MPZL1: variants seen among roughly 807,000 people sequenced by gnomAD.
MPZL1 encodes the protein myelin protein zero-like protein 1.
Under a neutral mutation model 29.3 loss-of-function variants are expected in MPZL1, and 16 were observed. The observed-to-expected ratio is 0.55, with a 90% CI of 0.37 to 0.83. The LOEUF is 0.83. MPZL1 is among the 40% of genes least tolerant of loss of function. The pLI is 0.00. For missense variants in MPZL1, 279 were observed against 332.9 expected (o/e 0.84, Z 1.26); for synonymous variants, 143 against 132.0 (o/e 1.08, Z -0.57).
At chr1:167,742,966 G>A in intron 1 of MPZL1, among the ~76,000 whole-genome samples, 1 of 151,948 alleles carries the variant, frequency 6.6e-6, no homozygotes, top group African/African-American at 2.4e-5. Context: ...TTATTTTTGG[G>A]TTCTCTATTT....
intron 1 of MPZL1, among the ~76,000 whole-genome samples, chr1:167,744,898 C>T (rs530941161): frequency 3.3e-5 from 5 of 152,192 alleles, no homozygotes; most frequent in South Asian, 2.1e-4. Flanking sequence ...GTGCTTACTC[C>T]GCAGAGGCGG....
intron 1 of MPZL1, among the ~76,000 whole-genome samples, chr1:167,735,167 T>G (rs1660351483): frequency 6.6e-6 from 1 of 152,226 alleles, no homozygotes. Flanking sequence ...TCCATTGTCA[T>G]TAGGAGTAAC....
rs531264290 is a variant in MPZL1, at chr1:167,759,123, G to A, written c.92-6460G>A. Among the ~76,000 whole-genome samples the A allele has an allele frequency of 2.0e-5, 3 of 152,216 alleles. No individual in the cohort carries two copies. In the South Asian group the frequency reaches 6.2e-4, roughly 32 times the overall value. On this transcript the variant is annotated intron_variant, in intron 1 of 5. Coordinates refer to ENST00000359523, the MANE Select transcript of MPZL1 (RefSeq NM_003953.6). ...AACCAAAGCTTTACTACATTTCACAGCCATTTTTGCCACTATGCCATAATT... is the reference window on the plus strand; with the variant it reads ...AACCAAAGCTTTACTACATTTCACAACCATTTTTGCCACTATGCCATAATT...
intron 1 of MPZL1, among the ~76,000 whole-genome samples, chr1:167,760,585 A>G (rs1660965292): frequency 6.6e-6 from 1 of 152,106 alleles, no homozygotes; most frequent in Admixed American, 6.6e-5. Context: ...GAGTCACAAA[A>G]CAGTCCAGGG....
intron 1 of MPZL1, among the ~76,000 whole-genome samples, chr1:167,762,002 T>A (rs779067219): frequency 6.6e-6 from 1 of 152,102 alleles, no homozygotes; most frequent in Non-Finnish European, 1.5e-5. Context: ...TTGGAGGATA[T>A]TGGAAAGCTA....
rs542418579 is a variant in MPZL1 at position 167,725,287 on chromosome 1, C to G, written c.91+3045C>G. On this transcript the variant is annotated intron_variant, in intron 1 of 5. Coordinates refer to ENST00000359523, the MANE Select transcript of MPZL1 (RefSeq NM_003953.6). Reference sequence around the variant, plus strand: ...TGTGATAGCCTCCCAGCTGCTCTTCCTCTTTTTCCCCCTCTGGAGTCTTGC... The same window carrying G: ...TGTGATAGCCTCCCAGCTGCTCTTCGTCTTTTTCCCCCTCTGGAGTCTTGC... 3.9e-5 allele frequency among the ~76,000 whole-genome samples: 6 copies of G among 152,156 alleles called. No homozygotes were observed. The South Asian group carries it at 1.2e-3, about 32-fold the overall frequency.
rs1661708744 is a variant in MPZL1, at chr1:167,791,255, C to T, written c.*3334C>T. On this transcript the variant is annotated 3_prime_UTR_variant, in exon 6 of 6. Transcript: ENST00000359523. The stretch of plus-strand genomic sequence containing the variant: ...TCCGTCTGCAGTAAAGGGAACAGCA[C>T]CTGGCACTTAGCTGCTCAATACATG... 6.6e-6 allele frequency: 1 copy of T among 152,232 alleles called. No homozygotes were observed. The highest frequency in any genetic ancestry group is 1.5e-5 in the Non-Finnish European group (1 of 68,062). 9.4% of individuals were successfully genotyped at this position (152,232 alleles called of 1,614,324 possible).
At chr1:167,761,947 G>C (rs1571157360) in intron 1 of MPZL1, among the ~76,000 whole-genome samples, 2 of 152,288 alleles carry the variant, frequency 1.3e-5, no homozygotes, top group South Asian at 4.1e-4. Context: ...GACATGCTGG[G>C]ATTTTAGTTT....
At chr1:167,777,805 G>T (rs541642726) in intron 5 of MPZL1, among the ~76,000 whole-genome samples, 6 of 152,256 alleles carry the variant, frequency 3.9e-5, no homozygotes, top group African/African-American at 1.4e-4. Flanking sequence ...ACAGGGTATT[G>T]GTTGGGGTTC....
At chr1:167,725,378 T>A (rs1017735146) in intron 1 of MPZL1, among the ~76,000 whole-genome samples, 2 of 152,216 alleles carry the variant, frequency 1.3e-5, no homozygotes, top group Admixed American at 1.3e-4. Flanking sequence ...ATCTCCCAGA[T>A]TCAAGTGATT....
chr1:167,751,391 C>T lies in MPZL1; in HGVS notation c.92-14192C>T, dbSNP rs950149953. Among the ~76,000 whole-genome samples the T allele has an allele frequency of 3.3e-5, 5 of 152,094 alleles. No homozygotes were observed. In the South Asian group the frequency reaches 6.2e-4, roughly 19 times the overall value. On this transcript the variant is annotated intron_variant, in intron 1 of 5. Coordinates refer to ENST00000359523, the MANE Select transcript of MPZL1 (RefSeq NM_003953.6). ...ACTATCAGAAATTAAATGTATGCGC[C>T]GGGCGCGGTGGCTCACGTCTGTAAT...
intron 1 of MPZL1, among the ~76,000 whole-genome samples, chr1:167,737,895 A>C (rs1040331458): frequency 2.0e-5 from 3 of 151,810 alleles, no homozygotes; most frequent in Admixed American, 6.6e-5. Flanking sequence ...TCATCCATTG[A>C]GTACTGAGAT....
At chr1:167,784,011 CTG>C (rs1203061597) in intron 5 of MPZL1, among the ~76,000 whole-genome samples, 1 of 152,170 alleles carries the variant, frequency 6.6e-6, no homozygotes, top group Non-Finnish European at 1.5e-5. Context: ...GCTACAGAGA[CTG>C]TGAAAGGTGT....
intron 1 of MPZL1, among the ~76,000 whole-genome samples, chr1:167,756,000 A>T (rs1660861547): frequency 6.6e-6 from 1 of 152,212 alleles, no homozygotes; most frequent in Non-Finnish European, 1.5e-5. Context: ...GGCCTGATTC[A>T]GGACCCTTTG....
chr1:167,749,326 G>A (rs1660710507), intron 1 of MPZL1, among the ~76,000 whole-genome samples: 1 of 152,136 alleles, frequency 6.6e-6, no homozygotes, highest in Non-Finnish European at 1.5e-5. Context: ...TTGTTGAATT[G>A]TTGTCTGTGT....
intron 1 of MPZL1, among the ~76,000 whole-genome samples, chr1:167,741,902 T>C (rs766211068): frequency 9.2e-5 from 14 of 151,924 alleles, no homozygotes; most frequent in Middle Eastern, 3.4e-3. Flanking sequence ...GCCTGATGGC[T>C]CACACCTGTA....
rs1028403448 is a variant in MPZL1, at chr1:167,722,042, G to C, written c.-110G>C. ...GGAGCGCGGCGTGGAGGTGCCACCC[G>C]GCGCGGGTGGCGGAGAGATCAGAAG... On this transcript the variant is annotated 5_prime_UTR_variant, in exon 1 of 6. Coordinates refer to ENST00000359523, the MANE Select transcript of MPZL1 (RefSeq NM_003953.6). 8.2e-7 allele frequency: 1 copy of C among 1,220,222 alleles called. No individual in the cohort carries two copies. The highest frequency in any genetic ancestry group is 1.0e-6 in the Non-Finnish European group (1 of 979,106). The allele number at this position is 1,220,222 out of a possible 1,614,324, so 75.6% of individuals were successfully genotyped here.
Position 167,772,520 on chromosome 1 carries a change from G to A in MPZL1, c.472+32G>A, listed in dbSNP as rs78492861. The A allele has an allele frequency of 2.5e-3, 3,856 of 1,555,058 alleles. 75 individuals are homozygous for A. The African/African-American group carries it at 0.045, about 18-fold the overall frequency. On this transcript the variant is annotated intron_variant, in intron 3 of 5. Coordinates refer to ENST00000359523, the MANE Select transcript of MPZL1 (RefSeq NM_003953.6). Reference sequence around the variant, plus strand: ...CCTTGAGTATTTTGGCAGTAATAATGCAGTCTCCTTTATCTCATGTTTGGT... The same window carrying A: ...CCTTGAGTATTTTGGCAGTAATAATACAGTCTCCTTTATCTCATGTTTGGT...
chr1:167,774,032 C>G (rs1661309953), intron 4 of MPZL1: 2 of 152,576 alleles, frequency 1.3e-5, no homozygotes, highest in African/African-American at 2.4e-5. Flanking sequence ...GCTTAAGTAG[C>G]TTTATTGCTT....
Sources: allele counts gnomAD v4.1 joint callset (sites outside exome capture counted in the v4.1 genomes callset), GRCh38; gene constraint gnomAD v4.1.1; transcripts MANE v1.5; gene names NCBI Gene and HGNC (gene_info 2026-07-23, HGNC 2026-07-21).